Variants in ACTR10 observed in about 807,000 individuals in gnomAD.
ACTR10 encodes the protein actin related protein 10.
In ACTR10, 43 loss-of-function variants were observed where a neutral mutation model predicts 56.2. That is an observed-to-expected ratio of 0.77 (90% confidence interval 0.60 to 0.99). ACTR10 has a LOEUF of 0.99. Ranked by LOEUF, ACTR10 falls within the 50% of genes least tolerant of loss-of-function variation. The pLI, the probability that ACTR10 is intolerant of heterozygous loss-of-function variation, is 0.00. For synonymous variants in ACTR10, 170 were observed against 176.3 expected, an observed-to-expected ratio of 0.96 and a Z score of 0.28; for missense variants, 466 against 507.8, an observed-to-expected ratio of 0.92 and a Z score of 0.79.
At chr14:58,207,663 T>A (rs918328054) in intron 2 of ACTR10, among the ~76,000 whole-genome samples, 2 of 152,120 alleles carry the variant, frequency 1.3e-5, no homozygotes, top group African/African-American at 4.8e-5. Context: ...AAATGATAAG[T>A]CAGATGGAGG....
In ACTR10 at chr14:58,232,073, T is replaced by C. The variant is rs776509297; in HGVS notation, c.878T>C (p.Ile293Thr). 14 of 1,611,594 alleles carry C rather than the reference T, an allele frequency of 8.7e-6. No homozygotes were observed. The Admixed American group carries it at 1.5e-4, about 17-fold the overall frequency. ...TTTTCTTTTTAATAACAGTGTCCGA[T>C]AGACACCAGGAAGCAACTAGCAGAG... is the stretch of plus-strand genomic sequence containing the variant. ...LILDSLIQCP[I>T]DTRKQLAENL... is the part of the protein sequence containing the mutation. The change falls in exon 12 of 13, where the codon ATA (isoleucine) becomes ACA (threonine). Residue 293 changes from isoleucine to threonine, a missense_variant. Coordinates refer to ENST00000254286, the MANE Select transcript of ACTR10 (RefSeq NM_018477.3).
chr14:58,203,706 C>CATA (rs1351146264), intron 2 of ACTR10, among the ~76,000 whole-genome samples: 1 of 152,080 alleles, frequency 6.6e-6, no homozygotes, highest in East Asian at 1.9e-4. Flanking sequence ...CCCTTATTTA[C>CATA]AGTTTCAAAA....
At chr14:58,201,683 CTAAA>C (rs992059187) in intron 1 of ACTR10, among the ~76,000 whole-genome samples, 1 of 152,026 alleles carries the variant, frequency 6.6e-6, no homozygotes, top group African/African-American at 2.4e-5. Context: ...ATGGAAATAC[CTAAA>C]TACTCAAGAA....
chr14:58,229,693 AAG>A (rs1491555496), intron 10 of ACTR10, among the ~76,000 whole-genome samples: 1 of 151,174 alleles, frequency 6.6e-6, no homozygotes, highest in African/African-American at 2.4e-5. Context: ...AAAAAAAAAA[AAG>A]AATAGATTTT....
rs1888874430 is a variant in ACTR10, at chr14:58,206,797, A to G, written c.151-1139A>G. 2.6e-5 allele frequency among the ~76,000 whole-genome samples: 4 copies of G among 152,348 alleles called. No individual in the cohort carries two copies. The South Asian group carries it at 6.2e-4, about 24-fold the overall frequency. On this transcript the variant is annotated intron_variant, in intron 2 of 12. Transcript: ENST00000254286. The stretch of plus-strand genomic sequence containing the variant: ...TCACACATATTTATGAACAACCACA[A>G]CTATGTACCTGGAACTGTATTATTT...
At chr14:58,230,195 T>C (rs1033413238) in intron 10 of ACTR10, among the ~76,000 whole-genome samples, 2 of 152,238 alleles carry the variant, frequency 1.3e-5, no homozygotes, top group Non-Finnish European at 2.9e-5. Flanking sequence ...TATTAACTCA[T>C]TGCATCTTCA....
intron 12 of ACTR10, among the ~76,000 whole-genome samples, chr14:58,233,163 G>A (rs977240263): frequency 1.6e-4 from 25 of 152,012 alleles, no homozygotes; most frequent in Non-Finnish European, 3.4e-4. Context: ...GTGAGCCACC[G>A]CCCCTGGCTT....
rs753068108 is a variant in ACTR10, at chr14:58,213,701, A to G, written c.518+3A>G. On this transcript the variant is annotated splice_donor_region_variant and intron_variant, in intron 6 of 12. Transcript: ENST00000254286. The stretch of plus-strand genomic sequence containing the variant: ...CTAGGAGGAAAAGCTCTTCACAAGT[A>G]AGTTTCTTGGAATTTAACATATTCA... 6.2e-7 allele frequency: 1 copy of G among 1,608,454 alleles called. No homozygotes were observed. The highest frequency in any genetic ancestry group is 1.1e-5 in the South Asian group (1 of 90,310).
intron 10 of ACTR10, among the ~76,000 whole-genome samples, chr14:58,224,283 T>A (rs1392977398): frequency 6.6e-6 from 1 of 152,106 alleles, no homozygotes; most frequent in Non-Finnish European, 1.5e-5. Context: ...ATTACAGGCA[T>A]GAGCCACTGT....
chr14:58,212,599 C>A (rs1889031011), intron 5 of ACTR10, among the ~76,000 whole-genome samples: 1 of 152,126 alleles, frequency 6.6e-6, no homozygotes, highest in Non-Finnish European at 1.5e-5. Flanking sequence ...CTTAAAACAA[C>A]CATGCAACAT....
chr14:58,222,442 A>G (rs1043345719), intron 8 of ACTR10, among the ~76,000 whole-genome samples: 2 of 152,166 alleles, frequency 1.3e-5, no homozygotes, highest in Non-Finnish European at 2.9e-5. Context: ...AAAATTAAGG[A>G]ATGTTAAATT....
intron 4 of ACTR10, 53 bp downstream of exon 4, chr14:58,209,160 C>A: frequency 7.9e-7 from 1 of 1,268,966 alleles, no homozygotes; most frequent in Non-Finnish European, 1.1e-6. Flanking sequence ...AAAAGAGAAG[C>A]AATAAAATTC....
chr14:58,234,769 A>G lies in ACTR10; in HGVS notation c.*218A>G. ...GCTTATTGAGATTTGCTGTATTTATATCAATAAAGTATAGTAAAGCAGTTT... is the reference window on the plus strand; with the variant it reads ...GCTTATTGAGATTTGCTGTATTTATGTCAATAAAGTATAGTAAAGCAGTTT... On this transcript the variant is annotated 3_prime_UTR_variant, in exon 13 of 13. Coordinates refer to ENST00000254286, the MANE Select transcript of ACTR10 (RefSeq NM_018477.3). 2.7e-6 allele frequency: 1 copy of G among 375,866 alleles called. No homozygotes were observed. The highest frequency in any genetic ancestry group is 4.2e-5 in the East Asian group (1 of 23,648). The allele number at this position is 375,866 out of a possible 1,614,324, so 23.3% of individuals were successfully genotyped here.
chr14:58,232,404 CTTTTTTTTTTTTT>C (rs5808963), intron 12 of ACTR10, 137 bp downstream of exon 12: 8 of 135,736 alleles, frequency 5.9e-5, no homozygotes, highest in East Asian at 4.4e-4. Context: ...CTGACTTTTT[CTTTTTTTTTTTTT>C]TTTTTTTTTT....
chr14:58,214,326 G>C (rs1375631733), intron 6 of ACTR10, among the ~76,000 whole-genome samples: 1 of 151,616 alleles, frequency 6.6e-6, no homozygotes, highest in African/African-American at 2.4e-5. Context: ...TTCCATCAAT[G>C]TTGTTGCAAA....
intron 11 of ACTR10, 61 bp downstream of exon 11, chr14:58,230,541 A>C (rs1889506287): frequency 3.5e-6 from 3 of 864,374 alleles, no homozygotes; most frequent in Non-Finnish European, 5.0e-6. Context: ...TAAATTTTAA[A>C]TGTTATTTTA....
chr14:58,203,302 CAAAAAA>C (rs11384472), intron 2 of ACTR10, among the ~76,000 whole-genome samples: 7 of 105,466 alleles, frequency 6.6e-5, no homozygotes, highest in African/African-American at 7.9e-5. Flanking sequence ...GACTTCGTCT[CAAAAAA>C]AAAAAAAAAA....
At chr14:58,233,706 A>C (rs1889600074) in intron 12 of ACTR10, among the ~76,000 whole-genome samples, 1 of 152,194 alleles carries the variant, frequency 6.6e-6, no homozygotes, top group African/African-American at 2.4e-5. Context: ...TGAAGGGAAA[A>C]ACAATCATGA....
At position 58,202,933 on chromosome 14, in the gene ACTR10, TA is replaced by T. The variant is rs75304518; in HGVS notation, c.150+15del. ...AAAGAGCTGGGATGCCTAAGGTATT[TA>T]AAAAAAAATATTAGCAAAATAAATG... On this transcript the variant is annotated splice_region_variant and intron_variant, in intron 2 of 12. Coordinates refer to ENST00000254286, the MANE Select transcript of ACTR10 (RefSeq NM_018477.3). 410 of 1,479,144 alleles carry T rather than the reference TA, an allele frequency of 2.8e-4. 2 individuals carry two copies. Among genetic ancestry groups the T allele is most frequent in the South Asian group, 8.5e-4 (71 of 83,300 alleles). The allele number at this position is 1,479,144 out of a possible 1,614,324, so 91.6% of individuals were successfully genotyped here. A position where few individuals can be genotyped will look rare whatever the true frequency, so the allele number is the denominator to read the frequency against.
Sources: allele counts gnomAD v4.1 joint callset (sites outside exome capture counted in the v4.1 genomes callset), GRCh38; gene constraint gnomAD v4.1.1; transcripts MANE v1.5; gene names NCBI Gene and HGNC (gene_info 2026-07-23, HGNC 2026-07-21).